The following AGBL1 variants were observed in gnomAD, a reference collection of about 807,000 sequenced individuals.
AGBL1 encodes cytosolic carboxypeptidase 4.
AGBL1 carries 130 observed loss-of-function variants against 118.9 expected under a neutral mutation model. The ratio of observed to expected loss-of-function variants is 1.09; its 90% CI spans 0.95 to 1.26. The LOEUF (loss-of-function observed/expected upper bound fraction) is 1.26. Among genes scored for constraint, AGBL1 ranks in the 50% most tolerant of loss-of-function variants. AGBL1 has a pLI of 0.00. For synonymous variants in AGBL1, 555 were observed against 478.9 expected (o/e 1.16, Z -2.08); for missense variants, 1,584 against 1,298.1 (o/e 1.22, Z -3.38).
At chr15:86,976,159 T>A (rs1264698284) in intron 23 of AGBL1, among the ~76,000 whole-genome samples, 1 of 150,832 alleles carries the variant, frequency 6.6e-6, no homozygotes, top group African/African-American at 2.4e-5. Context: ...TTTTTATTTA[T>A]GATTTTACTT....
intron 22 of AGBL1, among the ~76,000 whole-genome samples, chr15:86,784,886 C>G (rs1470807): frequency 0.083 from 12,551 of 152,082 alleles, 707 homozygotes; most frequent in East Asian, 0.26. Flanking sequence ...GTACTACTAT[C>G]TTTGCAACTT....
chr15:86,383,647 T>C (rs959011076), intron 17 of AGBL1, among the ~76,000 whole-genome samples: 1 of 152,132 alleles, frequency 6.6e-6, no homozygotes, highest in Admixed American at 6.6e-5. Flanking sequence ...ATTGTTTCAC[T>C]CCTCTTACCT....
intron 10 of AGBL1, among the ~76,000 whole-genome samples, chr15:86,263,474 A>G (rs1218702841): frequency 2.0e-5 from 3 of 152,240 alleles, no homozygotes; most frequent in Non-Finnish European, 2.9e-5. Context: ...TGACTGTAGC[A>G]TGAAGGTACA....
In AGBL1 at chr15:86,910,281, T is replaced by C. The variant is rs1350262046; in HGVS notation, c.*2987T>C. 6.6e-6 allele frequency: 1 copy of C among 152,180 alleles called. No individual in the cohort carries two copies. Among genetic ancestry groups the C allele is most frequent in the East Asian group, 1.9e-4 (1 of 5,192 alleles). The allele number at this position is 152,180 out of a possible 1,614,324, so 9.4% of individuals were successfully genotyped here. ...TTGTGCAAAGGCCCTGTGGTAGAGT[T>C]AGAGCTTGAAATAAAATGTTCAGTG... is the stretch of plus-strand genomic sequence containing the variant. On this transcript the variant is annotated 3_prime_UTR_variant, in exon 23 of 23. Coordinates refer to ENST00000614907, the MANE Select transcript of AGBL1 (RefSeq NM_001386094.1).
chr15:86,986,559 AGG>A, intron 23 of AGBL1, among the ~76,000 whole-genome samples: 2 of 152,150 alleles, frequency 1.3e-5, no homozygotes, highest in East Asian at 3.9e-4. Context: ...AAGGAGGAGG[AGG>A]AGGAGGAAAA....
At chr15:86,222,823 A>G (rs2078300530) in intron 5 of AGBL1, among the ~76,000 whole-genome samples, 1 of 152,148 alleles carries the variant, frequency 6.6e-6, no homozygotes, top group Admixed American at 6.6e-5. Flanking sequence ...CTTTCTAGAG[A>G]GTTGTGATCT....
intron 1 of AGBL1, among the ~76,000 whole-genome samples, chr15:86,082,550 C>A (rs550905233): frequency 6.6e-6 from 1 of 152,304 alleles, no homozygotes; most frequent in African/African-American, 2.4e-5. Flanking sequence ...AACAGAATAT[C>A]CCTGTGCTAT....
chr15:86,522,953 T>C lies in AGBL1; in HGVS notation c.2685+14T>C, dbSNP rs2083209871. 1 of 1,612,830 alleles carries C rather than the reference T, an allele frequency of 6.2e-7. No individual in the cohort carries two copies. The highest frequency in any genetic ancestry group is 8.5e-7 in the Non-Finnish European group (1 of 1,178,968). On this transcript the variant is annotated intron_variant, in intron 19 of 22. Coordinates refer to ENST00000614907, the MANE Select transcript of AGBL1 (RefSeq NM_001386094.1). ...CGAAGTCCCGTGGTGAGTCACTTCCTTCTGCCTCCACCTTCCTGGCTGCTT... is the reference window on the plus strand; with the variant it reads ...CGAAGTCCCGTGGTGAGTCACTTCCCTCTGCCTCCACCTTCCTGGCTGCTT...
chr15:86,215,389 G>A (rs1332839350), intron 5 of AGBL1, among the ~76,000 whole-genome samples: 1 of 152,020 alleles, frequency 6.6e-6, no homozygotes, highest in East Asian at 1.9e-4. Context: ...CTGTTATTTG[G>A]CTAACTCCTT....
rs59244971 is a variant in AGBL1, at chr15:86,139,763, A to ATT, written c.52-2228_52-2227dup. On this transcript the variant is annotated intron_variant, in intron 1 of 22. Coordinates refer to ENST00000614907, the MANE Select transcript of AGBL1 (RefSeq NM_001386094.1). The stretch of plus-strand genomic sequence containing the variant: ...ATTAATTGAAAAAATACATTAATTG[A>ATT]TTTTTTTTTTTTTTAAAAACCAGGG... The ATT allele has an allele frequency of 2.0e-3, 292 of 149,742 alleles. 1 individual carries two copies. The highest frequency in any genetic ancestry group is 3.4e-3 in the Middle Eastern group (1 of 292). The allele number at this position is 149,742 out of a possible 1,614,324, so 9.3% of individuals were successfully genotyped here. A position where few individuals can be genotyped will look rare whatever the true frequency, so the allele number is the denominator to read the frequency against.
At chr15:86,618,520 G>A (rs1272997831) in intron 21 of AGBL1, among the ~76,000 whole-genome samples, 1 of 152,182 alleles carries the variant, frequency 6.6e-6, no homozygotes, top group African/African-American at 2.4e-5. Context: ...TACTGAATGA[G>A]AATCCTTAGG....
intron 22 of AGBL1, among the ~76,000 whole-genome samples, chr15:86,872,528 G>A (rs1486107488): frequency 1.3e-5 from 2 of 152,148 alleles, no homozygotes; most frequent in Non-Finnish European, 2.9e-5. Flanking sequence ...GGCTGAGGTA[G>A]GCAGAACACA....
chr15:86,871,552 A>G (rs1002593360), intron 22 of AGBL1, among the ~76,000 whole-genome samples: 4 of 151,976 alleles, frequency 2.6e-5, no homozygotes, highest in Middle Eastern at 3.2e-3. Flanking sequence ...TCCTCCTTCT[A>G]CCGACTTTTC....
chr15:86,318,553 A>C (rs186151950), intron 17 of AGBL1, among the ~76,000 whole-genome samples: 208 of 152,192 alleles, frequency 1.4e-3, no homozygotes, highest in African/African-American at 4.8e-3. Context: ...CTGGGTCCAA[A>C]GACCACTAGA....
intron 23 of AGBL1, among the ~76,000 whole-genome samples, chr15:86,985,545 G>A (rs1480586384): frequency 6.6e-6 from 1 of 152,142 alleles, no homozygotes; most frequent in Non-Finnish European, 1.5e-5. Context: ...CTTTGGTGAT[G>A]TGTCAATTCA....
chr15:86,876,095 G>A (rs562560304), intron 22 of AGBL1, among the ~76,000 whole-genome samples: 3 of 152,266 alleles, frequency 2.0e-5, no homozygotes, highest in South Asian at 4.1e-4. Context: ...AAGTTTGATC[G>A]AGGCCAACAT....
At chr15:86,155,204 A>C (rs1351020217) in intron 4 of AGBL1, among the ~76,000 whole-genome samples, 1 of 152,216 alleles carries the variant, frequency 6.6e-6, no homozygotes, top group Non-Finnish European at 1.5e-5. Context: ...ATGGTGGCTC[A>C]CGCCTGTAAT....
At chr15:86,372,633 T>C (rs1207160491) in intron 17 of AGBL1, among the ~76,000 whole-genome samples, 1 of 152,278 alleles carries the variant, frequency 6.6e-6, no homozygotes, top group African/African-American at 2.4e-5. Flanking sequence ...TACAGACTTT[T>C]GGTTTTTTTC....
chr15:87,031,338 G>T (rs1311088372), downstream of AGBL1, among the ~76,000 whole-genome samples: 1 of 151,782 alleles, frequency 6.6e-6, no homozygotes. Context: ...GAAATAGAGA[G>T]ATATTTCTCA....
Sources: allele counts gnomAD v4.1 joint callset (sites outside exome capture counted in the v4.1 genomes callset), GRCh38; gene constraint gnomAD v4.1.1; transcripts MANE v1.5; gene names NCBI Gene and HGNC (gene_info 2026-07-23, HGNC 2026-07-21).